The following SCAPER variants were observed in gnomAD, a reference collection of about 807,000 sequenced individuals.
The protein encoded by SCAPER is S phase cyclin A-associated protein in the endoplasmic reticulum.
Under a neutral mutation model 182.2 loss-of-function variants are expected in SCAPER, and 98 were observed. That is an observed-to-expected ratio of 0.54 (90% CI 0.46 to 0.64). SCAPER has a LOEUF of 0.64. Among genes scored for constraint, SCAPER ranks in the 30% least tolerant of loss-of-function variants. The probability of loss-of-function intolerance (pLI) is 0.00; values close to 1 mark genes in which losing one functional copy is unlikely to be tolerated. For missense variants in SCAPER, 1,432 were observed against 1,690.0 expected (o/e 0.85, Z 2.68); for synonymous variants, 605 against 564.6 (o/e 1.07, Z -1.01).
At chr15:76,826,790 G>C (rs1000722431) in intron 5 of SCAPER, among the ~76,000 whole-genome samples, 1 of 152,126 alleles carries the variant, frequency 6.6e-6, no homozygotes, top group Non-Finnish European at 1.5e-5. Flanking sequence ...CATTAAATGT[G>C]GTTGAATAAA....
intron 24 of SCAPER, among the ~76,000 whole-genome samples, chr15:76,493,055 A>G (rs768747136): frequency 1.1e-4 from 17 of 152,076 alleles, no homozygotes; most frequent in Non-Finnish European, 2.1e-4. Context: ...GTGGGTGGGG[A>G]TAGTAGGGAG....
In SCAPER at chr15:76,401,870, C is replaced by T. The variant is rs141716695; in HGVS notation, c.3467+2654G>A. ...GTTAAAGAACAGGTTACGGGCCAGG[C>T]GCGCCCAGCACTTTGGGAGGCTGAG... On this transcript the variant is annotated intron_variant, in intron 27 of 31. Coordinates refer to ENST00000563290, the MANE Select transcript of SCAPER (RefSeq NM_020843.4). Among the ~76,000 whole-genome samples the T allele has an allele frequency of 2.1e-3, 323 of 152,190 alleles. 2 individuals carry two copies. The highest frequency in any genetic ancestry group is 7.8e-4 in the Non-Finnish European group (53 of 68,016).
chr15:76,894,194 G>C (rs1349237167), intron 1 of SCAPER, among the ~76,000 whole-genome samples: 1 of 152,126 alleles, frequency 6.6e-6, no homozygotes, highest in African/African-American at 2.4e-5. Context: ...GGAGGTTGCA[G>C]TGAGCTGAGA....
At chr15:76,605,287 GT>G (rs1051839228) in intron 22 of SCAPER, among the ~76,000 whole-genome samples, 3 of 152,048 alleles carry the variant, frequency 2.0e-5, no homozygotes, top group Admixed American at 1.3e-4. Flanking sequence ...TAATCATGTG[GT>G]TTTTGTCTTT....
intron 21 of SCAPER, among the ~76,000 whole-genome samples, chr15:76,648,928 A>T (rs865856779): frequency 6.6e-6 from 1 of 152,234 alleles, no homozygotes; most frequent in Non-Finnish European, 1.5e-5. Context: ...TCTGCATAAT[A>T]AAAGATTAGG....
chr15:76,467,054 T>A (rs1202910759), intron 25 of SCAPER, among the ~76,000 whole-genome samples: 2 of 152,004 alleles, frequency 1.3e-5, no homozygotes, highest in Admixed American at 1.3e-4. Flanking sequence ...GTGTGTAGCA[T>A]CTCCTCCTTC....
intron 14 of SCAPER, among the ~76,000 whole-genome samples, chr15:76,759,707 A>T (rs1190488608): frequency 1.3e-5 from 2 of 152,208 alleles, no homozygotes; most frequent in Non-Finnish European, 2.9e-5. Flanking sequence ...TTTATCCTGC[A>T]TCTGTTGAAA....
At chr15:76,652,052 A>T (rs1243771715) in intron 21 of SCAPER, among the ~76,000 whole-genome samples, 1 of 150,814 alleles carries the variant, frequency 6.6e-6, no homozygotes, top group Non-Finnish European at 1.5e-5. Flanking sequence ...ATGCAGTGGA[A>T]GCATTTGATA....
chr15:76,450,633 A>C (rs950132182), intron 25 of SCAPER, among the ~76,000 whole-genome samples: 7 of 152,148 alleles, frequency 4.6e-5, no homozygotes, highest in African/African-American at 7.2e-5. Context: ...GGCTCACTGC[A>C]ACCTCCACCT....
At chr15:76,733,756 AAAAGAAAGAAAG>A (rs559159624) in intron 15 of SCAPER, among the ~76,000 whole-genome samples, 2 of 152,034 alleles carry the variant, frequency 1.3e-5, no homozygotes, top group Admixed American at 6.6e-5. Context: ...TCCATATCAA[AAAAGAAAGAAAG>A]AAAGAAAGAA....
At chr15:76,684,966 C>G (rs1202111426) in intron 20 of SCAPER, among the ~76,000 whole-genome samples, 1 of 150,734 alleles carries the variant, frequency 6.6e-6, no homozygotes, top group Non-Finnish European at 1.5e-5. Context: ...TTATAAAACT[C>G]TATCAACTCA....
chr15:76,625,898 G>A (rs2052529050), intron 21 of SCAPER, among the ~76,000 whole-genome samples: 2 of 152,000 alleles, frequency 1.3e-5, no homozygotes, highest in Middle Eastern at 3.2e-3. Context: ...TTAGGTCAGG[G>A]TGTCCAATCT....
intron 10 of SCAPER, among the ~76,000 whole-genome samples, chr15:76,769,723 T>C (rs2151305056): frequency 6.6e-6 from 1 of 152,282 alleles, no homozygotes. Context: ...GGTGGGAGTG[T>C]AAATTAGTTC....
At chr15:76,607,329 A>T in intron 22 of SCAPER, among the ~76,000 whole-genome samples, 1 of 152,202 alleles carries the variant, frequency 6.6e-6, no homozygotes. Context: ...TTCTTTAACA[A>T]TGTTGAATAC....
chr15:76,904,758 G>A (rs1373853361), intron 1 of SCAPER: 3 of 152,298 alleles, frequency 2.0e-5, no homozygotes, highest in Non-Finnish European at 4.4e-5. Flanking sequence ...CTGGAAGACG[G>A]AGAGGCCATT....
intron 5 of SCAPER, among the ~76,000 whole-genome samples, chr15:76,805,724 T>C (rs1423819585): frequency 6.6e-6 from 1 of 151,968 alleles, no homozygotes; most frequent in Non-Finnish European, 1.5e-5. Flanking sequence ...CGTGCCACCA[T>C]GCCCAGCTAA....
chr15:76,371,343 G>A (rs1479099755), intron 29 of SCAPER, among the ~76,000 whole-genome samples: 8 of 147,664 alleles, frequency 5.4e-5, no homozygotes, highest in Middle Eastern at 7.1e-3. Context: ...TTGTTGAAAC[G>A]GAGTCTTGCT....
At chr15:76,699,097 T>C (rs1432283935) in intron 20 of SCAPER, among the ~76,000 whole-genome samples, 1 of 152,186 alleles carries the variant, frequency 6.6e-6, no homozygotes, top group Non-Finnish European at 1.5e-5. Context: ...ACGCTACTGA[T>C]TTTTCTACAT....
chr15:76,747,304 C>G (rs1196270969), intron 15 of SCAPER, among the ~76,000 whole-genome samples: 1 of 152,096 alleles, frequency 6.6e-6, no homozygotes. Flanking sequence ...GAGATCAAGA[C>G]CATCCTGGCC....
Sources: gnomAD v4.1 joint callset for allele counts (sites outside exome capture counted in the v4.1 genomes callset) on GRCh38, gnomAD v4.1.1 for gene constraint, MANE v1.5 for transcripts, NCBI Gene and HGNC (gene_info 2026-07-23, HGNC 2026-07-21) for gene names.